GRIK2: variants seen among roughly 807,000 people sequenced by gnomAD.
The protein encoded by GRIK2 is glutamate ionotropic receptor kainate type subunit 2.
Under a neutral mutation model 100.3 loss-of-function variants are expected in GRIK2, and 32 were observed. That is an observed-to-expected ratio of 0.32 (90% CI 0.24 to 0.43). The LOEUF (loss-of-function observed/expected upper bound fraction) is 0.43. Ranked by LOEUF, GRIK2 falls within the 20% of genes least tolerant of loss-of-function variation. GRIK2 has a pLI of 1.00. For synonymous variants in GRIK2, 417 were observed against 389.4 expected (o/e 1.07, Z -0.83); for missense variants, 843 against 1,114.9 (o/e 0.76, Z 3.47).
intron 2 of GRIK2, among the ~76,000 whole-genome samples, chr6:101,523,740 G>A (rs902732789): frequency 4.2e-4 from 19 of 45,268 alleles, no homozygotes; most frequent in African/African-American, 1.5e-3. Context: ...TTTTTTTTTT[G>A]ATGGAGTCTC....
chr6:101,812,252 C>A (rs1562406945), intron 9 of GRIK2, among the ~76,000 whole-genome samples: 2 of 151,520 alleles, frequency 1.3e-5, no homozygotes, highest in African/African-American at 2.4e-5. Context: ...GGAAAGTCAA[C>A]CAAAAAAGTC....
Position 102,016,806 on chromosome 6 carries a change from A to AT in GRIK2, c.2086-18535_2086-18534insT, listed in dbSNP as rs547319095. 3.4e-3 allele frequency among the ~76,000 whole-genome samples: 517 copies of AT among 152,246 alleles called. 4 individuals are homozygous for AT. The highest frequency in any genetic ancestry group is 0.011 in the African/African-American group (456 of 41,576). ...ACAAAATATTTCACAAGAAGATTAT[A>AT]CTCAAGACACATCATCATCAGATTC... On this transcript the variant is annotated intron_variant, in intron 14 of 16. Transcript: ENST00000369134.
rs768069348 is a variant in GRIK2, at chr6:101,799,838, T to C, written c.1095+47T>C. 3 of 1,453,172 alleles carry C rather than the reference T, an allele frequency of 2.1e-6. No homozygotes were observed. The South Asian group carries it at 3.5e-5, about 17-fold the overall frequency. The allele number at this position is 1,453,172 out of a possible 1,614,324, so 90.0% of individuals were successfully genotyped here. ...TGCCTTGTCTCTTTTGTTGTCAAGC[T>C]GAATGAAGTGAGATTATTGTGGTTT... On this transcript the variant is annotated intron_variant, in intron 8 of 16. Transcript: ENST00000369134.
At chr6:101,611,747 C>T (rs933649975) in intron 2 of GRIK2, among the ~76,000 whole-genome samples, 2 of 151,704 alleles carry the variant, frequency 1.3e-5, no homozygotes, top group African/African-American at 2.4e-5. Context: ...GAGTACATTA[C>T]GCTATATACT....
At chr6:101,896,144 C>T (rs367888780) in intron 12 of GRIK2, among the ~76,000 whole-genome samples, 1 of 151,636 alleles carries the variant, frequency 6.6e-6, no homozygotes, top group African/African-American at 2.4e-5. Flanking sequence ...TATGTGGAGT[C>T]ACCAACCCAG....
chr6:101,499,639 CT>C (rs1463448010), intron 2 of GRIK2, among the ~76,000 whole-genome samples: 1 of 151,932 alleles, frequency 6.6e-6, no homozygotes, highest in Non-Finnish European at 1.5e-5. Flanking sequence ...TAACATTTAA[CT>C]TTTTTTCTGA....
chr6:101,610,041 A>G (rs901192090), intron 2 of GRIK2, among the ~76,000 whole-genome samples: 9 of 151,716 alleles, frequency 5.9e-5, no homozygotes, highest in Non-Finnish European at 1.3e-4. Flanking sequence ...AAACTTTGCC[A>G]GAAAATATAG....
chr6:101,839,152 G>A (rs1783341557), intron 10 of GRIK2, among the ~76,000 whole-genome samples: 1 of 152,002 alleles, frequency 6.6e-6, no homozygotes, highest in Non-Finnish European at 1.5e-5. Context: ...CAAACTTTTA[G>A]CAAGACTCCA....
At chr6:101,396,909 T>TA (rs541276220) in intron 1 of GRIK2, among the ~76,000 whole-genome samples, 247 of 152,300 alleles carry the variant, frequency 1.6e-3, no homozygotes, top group African/African-American at 5.4e-3. Context: ...CAATTAATAT[T>TA]AAAAAAGTAC....
At chr6:102,001,612 G>A (rs2114261816) in intron 14 of GRIK2, among the ~76,000 whole-genome samples, 1 of 152,004 alleles carries the variant, frequency 6.6e-6, no homozygotes, top group East Asian at 1.9e-4. Flanking sequence ...ATCATTGATG[G>A]GCATTTGGGT....
At chr6:101,578,321 T>A (rs762835565) in intron 2 of GRIK2, among the ~76,000 whole-genome samples, 31 of 152,186 alleles carry the variant, frequency 2.0e-4, no homozygotes, top group Admixed American at 9.2e-4. Context: ...AGTACCAGGT[T>A]AAATCTGAAC....
At chr6:101,521,855 T>A (rs1474902791) in intron 2 of GRIK2, among the ~76,000 whole-genome samples, 1 of 152,050 alleles carries the variant, frequency 6.6e-6, no homozygotes, top group Admixed American at 6.6e-5. Flanking sequence ...TTATTTTATT[T>A]ATGTATAAAA....
intron 12 of GRIK2, among the ~76,000 whole-genome samples, chr6:101,920,617 A>G (rs990387686): frequency 6.6e-6 from 1 of 151,946 alleles, no homozygotes; most frequent in Non-Finnish European, 1.5e-5. Context: ...GAATGGTAGT[A>G]CTGGGTAGTA....
chr6:101,674,179 C>G (rs6920826), intron 4 of GRIK2, among the ~76,000 whole-genome samples: 113,002 of 151,700 alleles, frequency 0.74, 42,438 homozygotes, highest in African/African-American at 0.78. Flanking sequence ...CGTATGACAC[C>G]TAAAACCAGG....
chr6:101,973,834 T>C (rs1483493364), intron 14 of GRIK2, among the ~76,000 whole-genome samples: 3 of 151,936 alleles, frequency 2.0e-5, no homozygotes, highest in Non-Finnish European at 4.4e-5. Flanking sequence ...AAATGATGCA[T>C]TGTATAGCAC....
chr6:101,839,901 A>G (rs1166216402), intron 10 of GRIK2, among the ~76,000 whole-genome samples: 1 of 152,092 alleles, frequency 6.6e-6, no homozygotes. Context: ...ATTGCATTTT[A>G]TTTTCTTGTA....
At chr6:101,789,385 A>T (rs9498705) in intron 7 of GRIK2, among the ~76,000 whole-genome samples, 7 of 151,982 alleles carry the variant, frequency 4.6e-5, no homozygotes, top group South Asian at 2.1e-4. Flanking sequence ...TTTTTGTATA[A>T]GGTGTAAGGA....
intron 7 of GRIK2, among the ~76,000 whole-genome samples, chr6:101,714,080 T>C (rs186405315): frequency 1.1e-3 from 160 of 151,930 alleles, no homozygotes; most frequent in African/African-American, 3.6e-3. Context: ...CAAAGAAATG[T>C]ATATTTTAGA....
At chr6:101,769,207 A>T (rs1778246316) in intron 7 of GRIK2, among the ~76,000 whole-genome samples, 1 of 152,202 alleles carries the variant, frequency 6.6e-6, no homozygotes, top group Non-Finnish European at 1.5e-5. Context: ...CTTGGAAAAA[A>T]AAGTAGATAC....
Sources: gnomAD v4.1 joint callset for allele counts (sites outside exome capture counted in the v4.1 genomes callset) on GRCh38, gnomAD v4.1.1 for gene constraint, MANE v1.5 for transcripts, NCBI Gene and HGNC (gene_info 2026-07-23, HGNC 2026-07-21) for gene names.